RALGAPA1: variants seen among roughly 807,000 people sequenced by gnomAD.
RALGAPA1 encodes Ral GTPase activating protein catalytic subunit alpha 1, also known as ral GTPase-activating protein subunit alpha-1.
Under a neutral mutation model 269.6 loss-of-function variants are expected in RALGAPA1, and 52 were observed. That is an observed-to-expected ratio of 0.19 (90% CI 0.15 to 0.24). RALGAPA1 has a LOEUF of 0.24. RALGAPA1 is among the 10% of genes least tolerant of loss of function. The pLI, the probability that RALGAPA1 is intolerant of heterozygous loss-of-function variation, is 1.00. For missense variants in RALGAPA1, 1,917 were observed against 3,013.9 expected (o/e 0.64, Z 8.52); for synonymous variants, 817 against 1,008.3 (o/e 0.81, Z 3.60).
chr14:35,602,144 C>T (rs1007008679), intron 36 of RALGAPA1, among the ~76,000 whole-genome samples: 3 of 152,178 alleles, frequency 2.0e-5, no homozygotes, highest in Non-Finnish European at 4.4e-5. Flanking sequence ...AGCACATAAT[C>T]ACTTTCTTCC....
chr14:35,623,962 C>T (rs1227016030), intron 35 of RALGAPA1, among the ~76,000 whole-genome samples: 1 of 151,696 alleles, frequency 6.6e-6, no homozygotes, highest in Non-Finnish European at 1.5e-5. Context: ...GGGCAAGTGC[C>T]TGTAGTCCCA....
chr14:35,600,582 T>G (rs58965440), intron 36 of RALGAPA1, among the ~76,000 whole-genome samples: 6,843 of 152,256 alleles, frequency 0.045, 225 homozygotes, highest in Middle Eastern at 0.071. Flanking sequence ...TATCTTCCAG[T>G]TTACTGATTC....
At chr14:35,607,506 A>C (rs962635501) in intron 35 of RALGAPA1, among the ~76,000 whole-genome samples, 5 of 152,286 alleles carry the variant, frequency 3.3e-5, no homozygotes, top group South Asian at 2.1e-4. Context: ...TGAGAGTCTC[A>C]ATCTTCCCCA....
chr14:35,645,604 G>A (rs968829919), intron 31 of RALGAPA1, among the ~76,000 whole-genome samples: 1 of 151,724 alleles, frequency 6.6e-6, no homozygotes, highest in African/African-American at 2.4e-5. Flanking sequence ...GGTGGCGGGC[G>A]CCTGTAGTCC....
At chr14:35,601,436 T>C (rs887417446) in intron 36 of RALGAPA1, among the ~76,000 whole-genome samples, 1 of 152,190 alleles carries the variant, frequency 6.6e-6, no homozygotes, top group Non-Finnish European at 1.5e-5. Flanking sequence ...CTAGGCTCCT[T>C]ACCTGACCTT....
chr14:35,651,392 G>GAA (rs2062818623), intron 31 of RALGAPA1, among the ~76,000 whole-genome samples: 1 of 152,062 alleles, frequency 6.6e-6, no homozygotes, highest in South Asian at 2.1e-4. Context: ...GAATGTTTTC[G>GAA]CAGACACAGG....
intron 4 of RALGAPA1, among the ~76,000 whole-genome samples, chr14:35,767,574 G>T (rs1017803980): frequency 6.6e-6 from 1 of 152,060 alleles, no homozygotes; most frequent in Non-Finnish European, 1.5e-5. Context: ...TATAGTCCCA[G>T]CTACTCAGGA....
chr14:35,782,830 AT>A lies in RALGAPA1; in HGVS notation c.107-7086del, dbSNP rs112773285. Among the ~76,000 whole-genome samples the A allele has an allele frequency of 7.3e-3, 1,065 of 146,460 alleles. 15 individuals are homozygous for A. Among genetic ancestry groups the A allele is most frequent in the African/African-American group, 0.02 (808 of 40,288 alleles). On this transcript the variant is annotated intron_variant, in intron 1 of 41. Transcript: ENST00000680220. ...AGTGACCCAGAATAGTCAAAACAGT[AT>A]TTTTTTTTTTTAAATGGAGTCTCGC... is the stretch of plus-strand genomic sequence containing the variant.
At chr14:35,617,287 G>T (rs2060311634) in intron 35 of RALGAPA1, among the ~76,000 whole-genome samples, 1 of 152,076 alleles carries the variant, frequency 6.6e-6, no homozygotes, top group South Asian at 2.1e-4. Context: ...TTACAGATCA[G>T]TCTGGCCAAC....
intron 41 of RALGAPA1, among the ~76,000 whole-genome samples, chr14:35,545,827 T>C (rs2054405643): frequency 6.6e-6 from 1 of 152,076 alleles, no homozygotes. Context: ...GGGAGAAACA[T>C]GTACATATGA....
intron 26 of RALGAPA1, among the ~76,000 whole-genome samples, chr14:35,667,666 C>A (rs891307780): frequency 6.6e-6 from 1 of 152,172 alleles, no homozygotes; most frequent in African/African-American, 2.4e-5. Flanking sequence ...TAGCAAAGAT[C>A]TAAAGTACCT....
At chr14:35,647,139 T>C (rs2062486614) in intron 31 of RALGAPA1, among the ~76,000 whole-genome samples, 1 of 152,180 alleles carries the variant, frequency 6.6e-6, no homozygotes, top group Non-Finnish European at 1.5e-5. Context: ...AGAATAGGGA[T>C]TAAAAAATAT....
chr14:35,617,977 A>G lies in RALGAPA1; in HGVS notation c.6929+7384T>C, dbSNP rs146214158. Among the ~76,000 whole-genome samples, 66 of 152,260 alleles carry G rather than the reference A, an allele frequency of 4.3e-4. 1 individual carries two copies. Among genetic ancestry groups the G allele is most frequent in the African/African-American group, 1.4e-3 (57 of 41,590 alleles). ...TAGTATCTATTTAGAAGTCTCAATG[A>G]AATGGATTTTTAGAAAATAGAAAAC... On this transcript the variant is annotated intron_variant, in intron 35 of 41. Coordinates refer to ENST00000680220, the MANE Select transcript of RALGAPA1 (RefSeq NM_001346249.2).
At chr14:35,802,615 T>G (rs2077057312) in intron 1 of RALGAPA1, among the ~76,000 whole-genome samples, 1 of 150,974 alleles carries the variant, frequency 6.6e-6, no homozygotes, top group Admixed American at 6.6e-5. Context: ...ATCTATAGAT[T>G]CAACATAATC....
At chr14:35,669,187 T>A (rs537106183) in intron 26 of RALGAPA1, among the ~76,000 whole-genome samples, 1 of 152,358 alleles carries the variant, frequency 6.6e-6, no homozygotes, top group East Asian at 1.9e-4. Context: ...ATTGCACATA[T>A]AACGTGTCAC....
chr14:35,612,403 C>A (rs977992817), intron 35 of RALGAPA1, among the ~76,000 whole-genome samples: 25 of 149,014 alleles, frequency 1.7e-4, no homozygotes, highest in Admixed American at 1.7e-3. Context: ...AAGTCAGACT[C>A]TTCCACCATA....
intron 39 of RALGAPA1, 132 bp downstream of exon 39, chr14:35,570,485 A>T: frequency 2.7e-6 from 2 of 732,344 alleles, no homozygotes; most frequent in Non-Finnish European, 2.0e-6. Flanking sequence ...ACATAATGAT[A>T]CTCCATTTCT....
At chr14:35,553,092 ACTT>A (rs1211330825) in intron 39 of RALGAPA1, among the ~76,000 whole-genome samples, 1 of 152,172 alleles carries the variant, frequency 6.6e-6, no homozygotes, top group African/African-American at 2.4e-5. Flanking sequence ...TCACCTGCTC[ACTT>A]CATAGGGTGT....
In RALGAPA1 at chr14:35,625,438, T is replaced by C. The variant is rs189026062; in HGVS notation, c.6858-6A>G. On this transcript the variant is annotated splice_region_variant and splice_polypyrimidine_tract_variant and intron_variant, in intron 34 of 41. Transcript: ENST00000680220. ...TCAGGAGATGAAAGCTCCTCCTAAATAGAGAGATTTATAAACATTTTCATC... is the reference window on the plus strand; with the variant it reads ...TCAGGAGATGAAAGCTCCTCCTAAACAGAGAGATTTATAAACATTTTCATC... 1.8e-5 allele frequency: 28 copies of C among 1,586,054 alleles called. No individual in the cohort carries two copies. In the East Asian group the frequency reaches 4.3e-4, roughly 24 times the overall value.
Sources: gnomAD v4.1 joint callset for allele counts (sites outside exome capture counted in the v4.1 genomes callset) on GRCh38, gnomAD v4.1.1 for gene constraint, MANE v1.5 for transcripts, NCBI Gene and HGNC (gene_info 2026-07-23, HGNC 2026-07-21) for gene names.